Variants in RBFOX1 observed in about 807,000 individuals in gnomAD.
RBFOX1 encodes RNA binding fox-1 homolog 1, also known as RNA binding protein fox-1 homolog 1.
A neutral mutation model predicts 57.7 loss-of-function variants in RBFOX1; 8 were observed. That is an observed-to-expected ratio of 0.14 (90% CI 0.08 to 0.25). RBFOX1 has a LOEUF of 0.25. Among genes scored for constraint, RBFOX1 ranks in the 10% least tolerant of loss-of-function variants. The pLI is 1.00. For missense variants in RBFOX1, 611 were observed against 548.5 expected (o/e 1.11, Z -1.14); for synonymous variants, 326 against 222.4 (o/e 1.47, Z -4.15).
intron 4 of RBFOX1, among the ~76,000 whole-genome samples, chr16:7,130,257 A>G (rs978386865): frequency 1.3e-5 from 2 of 151,270 alleles, no homozygotes; most frequent in Non-Finnish European, 2.9e-5. Flanking sequence ...CTGGTCTTGA[A>G]CTCCTGACCT....
intron 3 of RBFOX1, among the ~76,000 whole-genome samples, chr16:6,722,515 C>G (rs2066224047): frequency 2.3e-5 from 1 of 43,506 alleles, no homozygotes; most frequent in African/African-American, 4.8e-5. Flanking sequence ...TAGATAAATA[C>G]TTGGCATTTT....
intron 3 of RBFOX1, among the ~76,000 whole-genome samples, chr16:6,776,856 T>A (rs1240218836): frequency 1.3e-5 from 2 of 152,240 alleles, no homozygotes; most frequent in Non-Finnish European, 1.5e-5. Flanking sequence ...TTCGTAGCAT[T>A]GTGAAATGAA....
At chr16:5,596,000 G>T (rs1167844642) in intron 2 of RBFOX1, among the ~76,000 whole-genome samples, 1 of 152,144 alleles carries the variant, frequency 6.6e-6, no homozygotes, top group Non-Finnish European at 1.5e-5. Context: ...AAGGCTTCCT[G>T]TGCTCCTGAT....
intron 3 of RBFOX1, among the ~76,000 whole-genome samples, chr16:6,853,195 G>C (rs894359852): frequency 2.0e-5 from 3 of 152,100 alleles, no homozygotes; most frequent in African/African-American, 4.8e-5. Context: ...ACTAATACTG[G>C]TGTTTACCCT....
intron 2 of RBFOX1, among the ~76,000 whole-genome samples, chr16:6,335,149 G>C (rs937708733): frequency 1.3e-5 from 2 of 152,178 alleles, no homozygotes; most frequent in Non-Finnish European, 2.9e-5. Flanking sequence ...TTATACTATT[G>C]GATTCTGTTG....
chr16:6,343,437 T>A (rs1054827911), intron 2 of RBFOX1, among the ~76,000 whole-genome samples: 29 of 152,220 alleles, frequency 1.9e-4, no homozygotes, highest in Non-Finnish European at 1.2e-4. Flanking sequence ...AAGTTCTTTC[T>A]ACATTGAAGA....
chr16:5,969,292 G>A (rs796670095), intron 4 of RBFOX1, among the ~76,000 whole-genome samples: 2 of 135,132 alleles, frequency 1.5e-5, no homozygotes, highest in African/African-American at 5.4e-5. Flanking sequence ...ATTATTTTCG[G>A]TTGTTCTTTT....
chr16:7,141,760 C>G (rs1377878507), intron 4 of RBFOX1, among the ~76,000 whole-genome samples: 7 of 152,068 alleles, frequency 4.6e-5, no homozygotes, highest in African/African-American at 1.7e-4. Flanking sequence ...TCCATCTTTC[C>G]TACTCTGTCC....
intron 1 of RBFOX1, among the ~76,000 whole-genome samples, chr16:6,294,683 A>T (rs7188333): frequency 1.3e-5 from 2 of 152,170 alleles, no homozygotes; most frequent in African/African-American, 2.4e-5. Flanking sequence ...GGTTAATGCA[A>T]GTTTAGAAAA....
chr16:7,537,416 C>G (rs1007340117), intron 5 of RBFOX1, among the ~76,000 whole-genome samples: 14 of 152,178 alleles, frequency 9.2e-5, no homozygotes, highest in African/African-American at 3.1e-4. Context: ...AGTGAGGAAA[C>G]TGAGGCGTGG....
chr16:6,284,788 T>A (rs2076731051), intron 1 of RBFOX1, among the ~76,000 whole-genome samples: 1 of 152,188 alleles, frequency 6.6e-6, no homozygotes, highest in South Asian at 2.1e-4. Context: ...GCTAGGTGGT[T>A]TATGCTAGGT....
intron 4 of RBFOX1, among the ~76,000 whole-genome samples, chr16:7,300,028 G>A (rs1456784153): frequency 6.6e-6 from 1 of 152,176 alleles, no homozygotes; most frequent in Non-Finnish European, 1.5e-5. Flanking sequence ...TGCAAGAGGG[G>A]CTTTCTTGAA....
intron 3 of RBFOX1, among the ~76,000 whole-genome samples, chr16:5,684,411 C>A (rs1257667563): frequency 5.9e-5 from 9 of 152,150 alleles, no homozygotes; most frequent in African/African-American, 2.2e-4. Flanking sequence ...CTAGTTGGGA[C>A]AAATGAGTGA....
intron 3 of RBFOX1, among the ~76,000 whole-genome samples, chr16:6,938,784 T>G (rs1012647517): frequency 6.6e-6 from 1 of 152,082 alleles, no homozygotes; most frequent in African/African-American, 2.4e-5. Flanking sequence ...ATCCAAAAAT[T>G]AGCTGGGTGT....
At chr16:7,255,987 G>A (rs1398825122) in intron 4 of RBFOX1, among the ~76,000 whole-genome samples, 1 of 152,120 alleles carries the variant, frequency 6.6e-6, no homozygotes, top group East Asian at 1.9e-4. Context: ...GTTGGTGTTA[G>A]TTTATTGTCT....
rs1426872543 is a variant in RBFOX1, at chr16:7,628,085, C to G, written c.677-2518C>G. Reference sequence around the variant, plus strand: ...CCCAGTGGAATTCTATAAATTGCATCGAGGATATTGAAAATTGACCCAAGG... The same window carrying G: ...CCCAGTGGAATTCTATAAATTGCATGGAGGATATTGAAAATTGACCCAAGG... On this transcript the variant is annotated intron_variant, in intron 10 of 15. Transcript: ENST00000550418. Among the ~76,000 whole-genome samples, 41 of 151,962 alleles carry G rather than the reference C, an allele frequency of 2.7e-4. 3 individuals carry two copies. The highest frequency in any genetic ancestry group is 2.7e-3 in the Admixed American group (41 of 15,248).
intron 5 of RBFOX1, among the ~76,000 whole-genome samples, chr16:7,557,102 G>C (rs756360800): frequency 3.9e-5 from 6 of 152,052 alleles, no homozygotes; most frequent in Non-Finnish European, 7.4e-5. Context: ...TCCACAGAGC[G>C]AGTATTATAA....
At chr16:6,350,460 A>C (rs1263200285) in intron 2 of RBFOX1, among the ~76,000 whole-genome samples, 2 of 10,208 alleles carry the variant, frequency 2.0e-4, no homozygotes, top group East Asian at 1.6e-3. Flanking sequence ...AAAAAAAAAA[A>C]AAAAAAAAAA....
intron 4 of RBFOX1, among the ~76,000 whole-genome samples, chr16:6,006,039 T>G (rs2094925285): frequency 6.6e-6 from 1 of 152,242 alleles, no homozygotes; most frequent in Admixed American, 6.5e-5. Flanking sequence ...ATGTTAGAAC[T>G]GGATCCTATA....
Sources: gnomAD v4.1 joint callset for allele counts (sites outside exome capture counted in the v4.1 genomes callset) on GRCh38, gnomAD v4.1.1 for gene constraint, MANE v1.5 for transcripts, NCBI Gene and HGNC (gene_info 2026-07-23, HGNC 2026-07-21) for gene names.